EPS8: variants seen among roughly 807,000 people sequenced by gnomAD.
The protein encoded by EPS8 is epidermal growth factor receptor kinase substrate 8.
EPS8 carries 42 observed loss-of-function variants against 103.8 expected under a neutral mutation model. The observed-to-expected ratio is 0.40, with a 90% CI of 0.32 to 0.52. EPS8 has a LOEUF of 0.52. EPS8 is among the 20% of genes least tolerant of loss of function. The pLI is 0.40. For synonymous variants in EPS8, 344 were observed against 344.6 expected (o/e 1.00, Z 0.02); for missense variants, 969 against 1,005.1 (o/e 0.96, Z 0.49).
intron 3 of EPS8, 44 bp from the exon 4 acceptor site, chr12:15,670,967 C>A (rs754136356): frequency 1.8e-5 from 26 of 1,422,632 alleles, no homozygotes; most frequent in African/African-American, 2.8e-5. Flanking sequence ...CCCTAATAGA[C>A]TGAAGTTCAT....
At position 15,771,993 on chromosome 12, in the gene EPS8, G is replaced by A. The variant is rs1036291386; in HGVS notation, c.-22+17168C>T. On this transcript the variant is annotated intron_variant, in intron 1 of 20. Transcript: ENST00000281172. This position sits in a 1 kb window ranked among gnomAD's most constrained non-coding sequence, Gnocchi z 4.6. ...CAAAAAATTAGCAGGGCATAGTGGC[G>A]GGCGCCCGTAGTCTTCATTTGTACC... Among the ~76,000 whole-genome samples the A allele has an allele frequency of 1.3e-5, 2 of 151,942 alleles. No homozygotes were observed. The highest frequency in any genetic ancestry group is 2.4e-5 in the African/African-American group (1 of 41,376).
chr12:15,683,999 ATGGATAT>A (rs1946052777), intron 1 of EPS8: 1 of 152,230 alleles, frequency 6.6e-6, no homozygotes, highest in Non-Finnish European at 1.5e-5. Flanking sequence ...AGGTCCTGTG[ATGGATAT>A]TGGGACCACC....
rs1946392534 is a variant in EPS8 at position 15,706,787 on chromosome 12, T to C, written c.-21-23815A>G. 6.6e-6 allele frequency among the ~76,000 whole-genome samples: 1 copy of C among 152,190 alleles called. No homozygotes were observed. The highest frequency in any genetic ancestry group is 6.5e-5 in the Admixed American group (1 of 15,276). ...ATTCTTCCTTGGGCAAATTTTGTAA[T>C]AAAATGACACAATTCTCCAACCTAC... On this transcript the variant is annotated intron_variant, in intron 1 of 20. Coordinates refer to ENST00000281172, the MANE Select transcript of EPS8 (RefSeq NM_004447.6). This position sits in a 1 kb window ranked among gnomAD's most constrained non-coding sequence, Gnocchi z 5.2.
At chr12:15,775,181 C>T (rs1947195898) in intron 1 of EPS8, among the ~76,000 whole-genome samples, 1 of 152,056 alleles carries the variant, frequency 6.6e-6, no homozygotes, top group South Asian at 2.1e-4. Context: ...TAAAGTTACC[C>T]ACATTCAAAA....
At position 15,704,518 on chromosome 12, in the gene EPS8, G is replaced by C. The variant is rs1484530799; in HGVS notation, c.-21-21546C>G. 6.6e-6 allele frequency among the ~76,000 whole-genome samples: 1 copy of C among 152,110 alleles called. No homozygotes were observed. The highest frequency in any genetic ancestry group is 1.5e-5 in the Non-Finnish European group (1 of 68,026). On this transcript the variant is annotated intron_variant, in intron 1 of 20. Transcript: ENST00000281172. The surrounding 1 kb of genome is among the most constrained non-coding windows in gnomAD (Gnocchi z 4.6). ...ATGATTCTCCTTAAATGAAGAACTT[G>C]GAATAGTCAAATTCAAAGACACAGA... is the stretch of plus-strand genomic sequence containing the variant.
At chr12:15,723,419 A>T (rs1208779127) in intron 1 of EPS8, among the ~76,000 whole-genome samples, 3 of 152,142 alleles carry the variant, frequency 2.0e-5, no homozygotes, top group African/African-American at 7.2e-5. Flanking sequence ...TAAAGTTTTC[A>T]ATATTTTCTT....
chr12:15,654,090 T>A (rs2135795197), intron 13 of EPS8, 55 bp downstream of exon 13: 1 of 1,495,602 alleles, frequency 6.7e-7, no homozygotes, highest in Non-Finnish European at 9.3e-7. Flanking sequence ...TCTCATTAGA[T>A]CCATGTAATT....
chr12:15,787,172 G>A lies in EPS8; in HGVS notation c.-22+1989C>T, dbSNP rs148458470. On this transcript the variant is annotated intron_variant, in intron 1 of 20. Transcript: ENST00000281172. This position sits in a 1 kb window ranked among gnomAD's most constrained non-coding sequence, Gnocchi z 4.9. ...CAAACCTTGGTTCAAGTGACCTGCT[G>A]CAGAATTAAAAGAGGTATGTAAAAG... is the stretch of plus-strand genomic sequence containing the variant. 1.2e-3 allele frequency among the ~76,000 whole-genome samples: 176 copies of A among 152,236 alleles called. No individual in the cohort carries two copies. The highest frequency in any genetic ancestry group is 0.011 in the East Asian group (57 of 5,192).
intron 18 of EPS8, among the ~76,000 whole-genome samples, chr12:15,628,720 C>T (rs1027946343): frequency 6.6e-6 from 1 of 152,104 alleles, no homozygotes; most frequent in African/African-American, 2.4e-5. Flanking sequence ...GGCTTTTTTC[C>T]CCTGTTCATA....
chr12:15,663,456 T>C (rs1330529055), intron 8 of EPS8, among the ~76,000 whole-genome samples: 1 of 152,144 alleles, frequency 6.6e-6, no homozygotes, highest in South Asian at 2.1e-4. Context: ...AACTAAAAAC[T>C]GGACTGGACC....
In EPS8 at chr12:15,778,365, A is replaced by G. The variant is rs146907467; in HGVS notation, c.-22+10796T>C. The stretch of plus-strand genomic sequence containing the variant: ...ACCAATGACCAGATTTTTATCACAG[A>G]AAGGATTCCATTGCTATTAAATTAT... On this transcript the variant is annotated intron_variant, in intron 1 of 20. Transcript: ENST00000281172. This position sits in a 1 kb window ranked among gnomAD's most constrained non-coding sequence, Gnocchi z 4.5. Among the ~76,000 whole-genome samples the G allele has an allele frequency of 3.0e-4, 45 of 152,338 alleles. No homozygotes were observed. Among genetic ancestry groups the G allele is most frequent in the African/African-American group, 1.1e-3 (44 of 41,574 alleles).
chr12:15,740,448 G>A (rs938013045), intron 1 of EPS8, among the ~76,000 whole-genome samples: 1 of 152,096 alleles, frequency 6.6e-6, no homozygotes, highest in African/African-American at 2.4e-5. Flanking sequence ...GGGAGGCCAA[G>A]GCAGGAGAAC....
chr12:15,779,365 G>C lies in EPS8; in HGVS notation c.-22+9796C>G, dbSNP rs1178699406. 6.6e-6 allele frequency among the ~76,000 whole-genome samples: 1 copy of C among 152,124 alleles called. No homozygotes were observed. The highest frequency in any genetic ancestry group is 1.5e-5 in the Non-Finnish European group (1 of 68,022). ...GTATATCTTTCTTTAAATTCTAAAA[G>C]AGCACTTAAAATCATCTTATTGTAC... is the stretch of plus-strand genomic sequence containing the variant. On this transcript the variant is annotated intron_variant, in intron 1 of 20. Transcript: ENST00000281172. This position sits in a 1 kb window ranked among gnomAD's most constrained non-coding sequence, Gnocchi z 4.3.
chr12:15,631,689 T>A, intron 17 of EPS8, 25 bp from the exon 18 acceptor site: 1 of 1,539,048 alleles, frequency 6.5e-7, no homozygotes, highest in Non-Finnish European at 8.8e-7. Flanking sequence ...ATAATTAACT[T>A]AAAATTTAAA....
At chr12:15,773,535 G>A (rs1947176380) in intron 1 of EPS8, among the ~76,000 whole-genome samples, 1 of 151,738 alleles carries the variant, frequency 6.6e-6, no homozygotes, top group African/African-American at 2.4e-5. Context: ...AAGAGACTAT[G>A]GAGAGAGATT....
intron 1 of EPS8, among the ~76,000 whole-genome samples, chr12:15,729,123 C>T (rs879376460): frequency 6.6e-6 from 1 of 152,054 alleles, no homozygotes; most frequent in African/African-American, 2.4e-5. Flanking sequence ...TAATTCTTAC[C>T]CTTAATCCCC....
intron 1 of EPS8, among the ~76,000 whole-genome samples, chr12:15,719,156 T>C (rs1021089072): frequency 2.0e-5 from 3 of 152,072 alleles, no homozygotes; most frequent in Non-Finnish European, 4.4e-5. Flanking sequence ...CATGTACCTA[T>C]TGAAGCACTG....
In EPS8 at chr12:15,660,604, T is replaced by C; in HGVS notation, c.937+10A>G. 2.3e-6 allele frequency: 3 copies of C among 1,322,690 alleles called. No homozygotes were observed. Among genetic ancestry groups the C allele is most frequent in the Non-Finnish European group, 2.2e-6 (2 of 914,582 alleles). 81.9% of individuals were successfully genotyped at this position (1,322,690 alleles called of 1,614,324 possible). ...ACCAGGCATTAGAAGATTAAGAAAA[T>C]CCAACTTACCTCCTGGTCCTTTCCT... On this transcript the variant is annotated intron_variant, in intron 10 of 20. Transcript: ENST00000281172.
At position 15,702,580 on chromosome 12, in the gene EPS8, C is replaced by T. The variant is rs1033908718; in HGVS notation, c.-21-19608G>A. On this transcript the variant is annotated intron_variant, in intron 1 of 20. Transcript: ENST00000281172. The surrounding 1 kb of genome is among the most constrained non-coding windows in gnomAD (Gnocchi z 5.1). The stretch of plus-strand genomic sequence containing the variant: ...AGCAAACTACTGAAGAAAAAAAATG[C>T]ATGCTTAATGTTTTTACCTATCTCT... Among the ~76,000 whole-genome samples the T allele has an allele frequency of 6.6e-6, 1 of 151,944 alleles. No individual in the cohort carries two copies. Among genetic ancestry groups the T allele is most frequent in the Admixed American group, 6.6e-5 (1 of 15,256 alleles).
Sources: allele counts gnomAD v4.1 joint callset (sites outside exome capture counted in the v4.1 genomes callset), GRCh38; gene constraint gnomAD v4.1.1; non-coding constraint Gnocchi (gnomAD v3.1); transcripts MANE v1.5; gene names NCBI Gene and HGNC (gene_info 2026-07-23, HGNC 2026-07-21).